The following RANBP2 variants were observed in gnomAD, a reference collection of about 807,000 sequenced individuals.
The protein encoded by RANBP2 is E3 SUMO-protein ligase RanBP2.
In RANBP2, 57 loss-of-function variants were observed where a neutral mutation model predicts 303.6. That is an observed-to-expected ratio of 0.19 (90% CI 0.15 to 0.23). The LOEUF is 0.23. Among genes scored for constraint, RANBP2 ranks in the 10% least tolerant of loss-of-function variants. The probability of loss-of-function intolerance (pLI) is 1.00; values close to 1 mark genes in which losing one functional copy is unlikely to be tolerated. For missense variants in RANBP2, 3,138 were observed against 3,780.8 expected, an observed-to-expected ratio of 0.83 and a Z score of 4.46; for synonymous variants, 1,167 against 1,301.5, an observed-to-expected ratio of 0.90 and a Z score of 2.23.
chr2:109,288,461 G>A, the RANBP2 span, among the ~76,000 whole-genome samples: 8 of 152,280 alleles, frequency 5.3e-5, no homozygotes, highest in Middle Eastern at 6.8e-3. Flanking sequence ...AAGTATGAGA[G>A]CCCACAGAGA....
At chr2:109,185,608 A>C in the RANBP2 span, among the ~76,000 whole-genome samples, 1 of 152,126 alleles carries the variant, frequency 6.6e-6, no homozygotes, top group Non-Finnish European at 1.5e-5. Flanking sequence ...TGGGGTTGGC[A>C]GAGAAGCCGG....
In RANBP2 at chr2:108,764,782, AAAG is replaced by A. The variant is rs1180850715; in HGVS notation, c.4247_4249del (p.Glu1416del). 5 of 1,613,952 alleles carry A rather than the reference AAAG, an allele frequency of 3.1e-6. No individual in the cohort carries two copies. The highest frequency in any genetic ancestry group is 2.7e-5 in the African/African-American group (2 of 74,918). On this transcript the variant is annotated inframe_deletion, in exon 20 of 29. Transcript: ENST00000283195. ...TCGATTTGCATTGGTGACTCCAAAG[AAAG>A]AAGGTCACTGGGATTGTAGTATTTG...
chr2:109,609,023 C>T, the RANBP2 span, among the ~76,000 whole-genome samples: 4 of 152,124 alleles, frequency 2.6e-5, no homozygotes, highest in African/African-American at 9.7e-5. Context: ...CATCCTTCTC[C>T]TTCTTTCCCA....
the RANBP2 span, among the ~76,000 whole-genome samples, chr2:109,414,171 C>T: frequency 6.6e-6 from 1 of 152,236 alleles, no homozygotes; most frequent in African/African-American, 2.4e-5. Flanking sequence ...TCCCTCCTCA[C>T]TGTCTCCCAG....
chr2:108,818,986 G>T, the RANBP2 span, among the ~76,000 whole-genome samples: 1 of 152,162 alleles, frequency 6.6e-6, no homozygotes, highest in African/African-American at 2.4e-5. Flanking sequence ...TATTATCAAA[G>T]AAATTGAGAT....
the RANBP2 span, among the ~76,000 whole-genome samples, chr2:108,969,734 T>A: frequency 6.6e-6 from 1 of 152,194 alleles, no homozygotes; most frequent in African/African-American, 2.4e-5. Flanking sequence ...GTGAAAGGAG[T>A]GTGAGCTGCA....
the RANBP2 span, among the ~76,000 whole-genome samples, chr2:109,252,251 G>GGA: frequency 2.0e-4 from 14 of 70,918 alleles, no homozygotes; most frequent in Non-Finnish European, 3.5e-4. Context: ...CTGTCTCAGA[G>GGA]GAGAAAAAAA....
At chr2:109,549,050 T>C in the RANBP2 span, among the ~76,000 whole-genome samples, 2 of 152,286 alleles carry the variant, frequency 1.3e-5, no homozygotes, top group South Asian at 4.1e-4. Flanking sequence ...ATCAGTTCCT[T>C]AGTATTTGCT....
At chr2:109,315,172 T>C in the RANBP2 span, among the ~76,000 whole-genome samples, 47,502 of 152,182 alleles carry the variant, frequency 0.31, 9,196 homozygotes, top group African/African-American at 0.55. Flanking sequence ...GAAAGTCTTA[T>C]TTGATGACTT....
At chr2:109,221,769 A>G in the RANBP2 span, among the ~76,000 whole-genome samples, 5 of 152,116 alleles carry the variant, frequency 3.3e-5, no homozygotes, top group African/African-American at 1.2e-4. Flanking sequence ...GAACATAAAT[A>G]AGGCAGCCAC....
the RANBP2 span, among the ~76,000 whole-genome samples, chr2:109,450,619 C>A: frequency 5.3e-5 from 8 of 152,162 alleles, no homozygotes; most frequent in African/African-American, 1.9e-4. Flanking sequence ...ATTGTTTCAA[C>A]ATGTAACCTA....
chr2:108,848,186 A>G, the RANBP2 span, among the ~76,000 whole-genome samples: 1 of 152,242 alleles, frequency 6.6e-6, no homozygotes, highest in African/African-American at 2.4e-5. Context: ...TTGAAATAAT[A>G]TGTCAACATA....
rs771879832 is a variant in RANBP2, at chr2:108,766,563, C to T, written c.6024C>T (p.Ser2008=). Residue 2008 remains serine, a synonymous_variant, in exon 20 of 29, where the codon AGC becomes AGT. Transcript: ENST00000283195. ...ATGATGCCTATAAGACTGAGGACAG[C>T]GATGACATCCATTTTGAACCAGTAG... is the stretch of plus-strand genomic sequence containing the variant. ...KDDDAYKTED[S]DDIHFEPVVQ... The T allele has an allele frequency of 1.1e-5, 18 of 1,611,744 alleles. No homozygotes were observed. The highest frequency in any genetic ancestry group is 6.7e-5 in the Admixed American group (4 of 59,976).
chr2:108,965,929 T>C, the RANBP2 span, among the ~76,000 whole-genome samples: 1 of 151,992 alleles, frequency 6.6e-6, no homozygotes, highest in Non-Finnish European at 1.5e-5. Flanking sequence ...AAAAACCAGG[T>C]ACTATCAACG....
chr2:109,183,616 A>G, the RANBP2 span, among the ~76,000 whole-genome samples: 1 of 152,184 alleles, frequency 6.6e-6, no homozygotes, highest in African/African-American at 2.4e-5. Context: ...AAAAATGAGA[A>G]ATTAACTTCT....
chr2:109,322,828 A>C, the RANBP2 span, among the ~76,000 whole-genome samples: 2 of 152,212 alleles, frequency 1.3e-5, no homozygotes, highest in Non-Finnish European at 2.9e-5. Context: ...ATCTCCCCAC[A>C]TCAGGATATG....
the RANBP2 span, among the ~76,000 whole-genome samples, chr2:109,566,621 A>C: frequency 6.6e-6 from 1 of 152,152 alleles, no homozygotes; most frequent in African/African-American, 2.4e-5. Flanking sequence ...ACAAAGTCCC[A>C]AATTAATGTC....
chr2:109,167,373 G>T, the RANBP2 span, among the ~76,000 whole-genome samples: 66 of 152,252 alleles, frequency 4.3e-4, 1 homozygote, highest in African/African-American at 1.4e-3. Flanking sequence ...TCTCTCTGAT[G>T]CCTGGACCAT....
chr2:108,867,874 G>T, the RANBP2 span, among the ~76,000 whole-genome samples: 1 of 152,174 alleles, frequency 6.6e-6, no homozygotes, highest in East Asian at 1.9e-4. Flanking sequence ...TTTTTGTCCC[G>T]TGTAATAAAT....
Sources: allele counts gnomAD v4.1 joint callset (sites outside exome capture counted in the v4.1 genomes callset), GRCh38; gene constraint gnomAD v4.1.1; transcripts MANE v1.5; gene names NCBI Gene and HGNC (gene_info 2026-07-23, HGNC 2026-07-21).